The following HECTD4 variants were observed in gnomAD, a reference collection of about 807,000 sequenced individuals.
HECTD4 encodes the protein probable E3 ubiquitin-protein ligase HECTD4.
Under a neutral mutation model 471.5 loss-of-function variants are expected in HECTD4, and 114 were observed. The ratio of observed to expected loss-of-function variants is 0.24; its 90% CI spans 0.21 to 0.28. The LOEUF is 0.28. Among genes scored for constraint, HECTD4 ranks in the 10% least tolerant of loss-of-function variants. The pLI, the probability that HECTD4 is intolerant of heterozygous loss-of-function variation, is 1.00. For synonymous variants in HECTD4, 2,012 were observed against 2,256.0 expected (o/e 0.89, Z 3.07); for missense variants, 3,866 against 5,651.5 (o/e 0.68, Z 10.13).
intron 1 of HECTD4, among the ~76,000 whole-genome samples, chr12:112,372,103 TC>T (rs1217228070): frequency 7.1e-6 from 1 of 140,904 alleles, no homozygotes; most frequent in African/African-American, 2.8e-5. Context: ...CATAATCACA[TC>T]TTTTTTTTTT....
intron 1 of HECTD4, among the ~76,000 whole-genome samples, chr12:112,376,617 T>C (rs947051363): frequency 6.6e-6 from 1 of 152,164 alleles, no homozygotes; most frequent in Non-Finnish European, 1.5e-5. Flanking sequence ...TTGATTTGTA[T>C]CCCCTGCTCC....
In HECTD4 at chr12:112,216,307, C is replaced by G; in HGVS notation, c.7450G>C (p.Val2484Leu). The G allele has an allele frequency of 6.4e-7, 1 of 1,553,702 alleles. No individual in the cohort carries two copies. Residue 2484 changes from valine (V) to leucine (L), a missense_variant, in exon 48 of 76, where the codon GTG becomes CTG. Val to Leu is a conservative substitution (Grantham distance 32). Coordinates refer to ENST00000682272, the MANE Select transcript of HECTD4 (RefSeq NM_001388303.1). ...LLQWKSVRLD[V>L]TLSPGDVAGI... ...CTGCACTCACCGGGGGAGAGAGTCA[C>G]GTCTAAGCGAACGCTCTTCCACTGT...
chr12:112,214,284 G>A (rs141855648), intron 48 of HECTD4, among the ~76,000 whole-genome samples: 1,617 of 152,264 alleles, frequency 0.011, 11 homozygotes, highest in South Asian at 0.016. Flanking sequence ...CTGCTAGCAC[G>A]TGTGGCCTTA....
In HECTD4 at chr12:112,169,602, A is replaced by G. The variant is rs752057625; in HGVS notation, c.12109T>C (p.Ser4037Pro). ...YFCQAARQLA[S>P]VPSSQLCVKL... ...ACGCAGAGCTGAGACGACGGCACTG[A>G]GGCCAGCTGCCTGGCAGCCTGACAG... The change falls in exon 70 of 76, where the codon TCA (serine) becomes CCA (proline). Residue 4037 changes from serine (S) to proline (P), a missense_variant. Around this residue, in one of 16 missense-constraint regions of HECTD4, gnomAD observed 715 missense variants for 1,087.6 expected, o/e 0.66. Coordinates refer to ENST00000682272, the MANE Select transcript of HECTD4 (RefSeq NM_001388303.1). 21 of 1,613,544 alleles carry G rather than the reference A, an allele frequency of 1.3e-5. No homozygotes were observed. Among genetic ancestry groups the G allele is most frequent in the Non-Finnish European group, 1.7e-5 (20 of 1,179,878 alleles).
intron 1 of HECTD4, among the ~76,000 whole-genome samples, chr12:112,364,074 A>G (rs1453230811): frequency 1.3e-5 from 2 of 151,624 alleles, no homozygotes; most frequent in African/African-American, 4.8e-5. Context: ...AATATTAATA[A>G]TATTACAACT....
chr12:112,301,800 G>GTT (rs35700397), intron 7 of HECTD4: 433 of 474,954 alleles, frequency 9.1e-4, no homozygotes, highest in Middle Eastern at 2.3e-3. Context: ...TCAGCTAGCT[G>GTT]TTTTTTTTTT....
At chr12:112,318,963 T>C (rs2035537752) in intron 2 of HECTD4, among the ~76,000 whole-genome samples, 1 of 152,214 alleles carries the variant, frequency 6.6e-6, no homozygotes, top group Non-Finnish European at 1.5e-5. Context: ...AAGGGTTGAT[T>C]CTCCATTTTC....
intron 1 of HECTD4, chr12:112,323,208 A>AAAAT (rs1189372131): frequency 6.6e-6 from 1 of 152,522 alleles, no homozygotes; most frequent in Non-Finnish European, 1.5e-5. Context: ...CTTGTCTCTA[A>AAAAT]AAATAAATAA....
In HECTD4 at chr12:112,246,672, C is replaced by T. The variant is rs1196169701; in HGVS notation, c.4513+229G>A. On this transcript the variant is annotated intron_variant, in intron 29 of 75. Coordinates refer to ENST00000682272, the MANE Select transcript of HECTD4 (RefSeq NM_001388303.1). ...AAAATAAAGAAAACAAGAAGTTGACCGCAGGAATTTAATGACATACAAGTA... is the reference window on the plus strand; with the variant it reads ...AAAATAAAGAAAACAAGAAGTTGACTGCAGGAATTTAATGACATACAAGTA... Among the ~76,000 whole-genome samples the T allele has an allele frequency of 5.3e-5, 8 of 151,924 alleles. No individual in the cohort carries two copies. In the East Asian group the frequency reaches 7.7e-4, roughly 15 times the overall value.
chr12:112,334,157 C>T (rs545723060), intron 1 of HECTD4, among the ~76,000 whole-genome samples: 27 of 151,174 alleles, frequency 1.8e-4, no homozygotes, highest in Non-Finnish European at 3.7e-4. Flanking sequence ...TGCAGTGGGC[C>T]GAGATCATGC....
rs2034007429 is a variant in HECTD4, at chr12:112,256,257, TAAG to T, written c.3327+60_3327+62del. On this transcript the variant is annotated intron_variant, in intron 21 of 75. Coordinates refer to ENST00000682272, the MANE Select transcript of HECTD4 (RefSeq NM_001388303.1). ...AATGGTGACCAGCAGCAAAGAAAAA[TAAG>T]AAGCATCTAAGAATCAGCTTACTCG... is the stretch of plus-strand genomic sequence containing the variant. 1.7e-5 allele frequency: 20 copies of T among 1,205,286 alleles called. No individual in the cohort carries two copies. In the South Asian group the frequency reaches 3.7e-4, roughly 22 times the overall value. 74.7% of individuals were successfully genotyped at this position (1,205,286 alleles called of 1,614,324 possible).
chr12:112,248,194 T>C lies in HECTD4; in HGVS notation c.4144-23A>G, dbSNP rs2033802818. On this transcript the variant is annotated intron_variant, in intron 26 of 75. Coordinates refer to ENST00000682272, the MANE Select transcript of HECTD4 (RefSeq NM_001388303.1). ...ACTCTAATAAATACATTAAAATAGATGCAAAATAAAAACAAGTATGATTCA... is the reference window on the plus strand; with the variant it reads ...ACTCTAATAAATACATTAAAATAGACGCAAAATAAAAACAAGTATGATTCA... The C allele has an allele frequency of 2.5e-6, 4 of 1,588,018 alleles. 1 individual carries two copies. Among genetic ancestry groups the C allele is most frequent in the Middle Eastern group, 3.3e-4 (2 of 5,988 alleles).
chr12:112,273,845 A>G lies in HECTD4; in HGVS notation c.1802-50T>C, dbSNP rs1282083428. The G allele has an allele frequency of 3.1e-6, 5 of 1,595,374 alleles. No individual in the cohort carries two copies. The Admixed American group carries it at 8.4e-5, about 27-fold the overall frequency. ...AGTCACCATGCCACCAGCTACCTGT[A>G]TACATATTTCTCACAAGCACTGCTA... On this transcript the variant is annotated intron_variant, in intron 10 of 75. Transcript: ENST00000682272.
intron 1 of HECTD4, chr12:112,321,872 G>T (rs536449305): frequency 6.6e-6 from 1 of 151,042 alleles, no homozygotes; most frequent in Non-Finnish European, 1.5e-5. Flanking sequence ...AAAGGAGAAA[G>T]AACTTATAAT....
At chr12:112,311,069 C>T (rs1464294183) in intron 4 of HECTD4, among the ~76,000 whole-genome samples, 3 of 152,118 alleles carry the variant, frequency 2.0e-5, no homozygotes, top group Non-Finnish European at 4.4e-5. Flanking sequence ...CAAGACCAGC[C>T]TGGCCAACAT....
At chr12:112,347,645 A>G (rs1442448430) in intron 1 of HECTD4, among the ~76,000 whole-genome samples, 4 of 152,238 alleles carry the variant, frequency 2.6e-5, no homozygotes, top group African/African-American at 9.6e-5. Context: ...CAATATGCAA[A>G]TATCATACGT....
rs1422864618 is a variant in HECTD4 at position 112,324,050 on chromosome 12, C to A, written c.178-4308G>T. ...CCTTCCTTCCTTCCTTCCTTCCTTT[C>A]TTTCTTTCTTTCTTTCTTTCTTTCT... On this transcript the variant is annotated intron_variant, in intron 1 of 75. Transcript: ENST00000682272. Among the ~76,000 whole-genome samples the A allele has an allele frequency of 2.3e-3, 122 of 54,186 alleles. 6 individuals are homozygous for A. Among genetic ancestry groups the A allele is most frequent in the Non-Finnish European group, 2.0e-3 (71 of 35,492 alleles). The allele number at this position is 54,186 out of a possible 152,430, so 35.5% of individuals were successfully genotyped here. A position where few individuals can be genotyped will look rare whatever the true frequency, so the allele number is the denominator to read the frequency against.
rs11066232 is a variant in HECTD4 at position 112,281,362 on chromosome 12, C to T, written c.1528+1748G>A. On this transcript the variant is annotated intron_variant, in intron 8 of 75. Coordinates refer to ENST00000682272, the MANE Select transcript of HECTD4 (RefSeq NM_001388303.1). ...AGTATATGTGCTGCCAAAGCGTGCA[C>T]ATTTCTACCAAATTCTAAATATGTC... is the stretch of plus-strand genomic sequence containing the variant. Among the ~76,000 whole-genome samples, 8,456 of 152,044 alleles carry T rather than the reference C, an allele frequency of 0.056. 1,289 individuals are homozygous for T. In the East Asian group the frequency reaches 0.61, roughly 11 times the overall value.
rs142871954 is a variant in HECTD4, at chr12:112,311,949, C to T, written c.916+1068G>A. On this transcript the variant is annotated intron_variant, in intron 4 of 75. Transcript: ENST00000682272. The stretch of plus-strand genomic sequence containing the variant: ...AATAAATCACATTTAAAAGCCTTGC[C>T]GCTTCTTCTCCACACACTCTCATGC... Among the ~76,000 whole-genome samples the T allele has an allele frequency of 1.8e-4, 28 of 152,258 alleles. No individual in the cohort carries two copies. In the East Asian group the frequency reaches 2.9e-3, roughly 16 times the overall value.
Sources: gnomAD v4.1 joint callset for allele counts (sites outside exome capture counted in the v4.1 genomes callset) on GRCh38, gnomAD v4.1.1 for gene constraint, gnomAD v4.1.1 regional missense constraint, MANE v1.5 for transcripts, NCBI Gene and HGNC (gene_info 2026-07-23, HGNC 2026-07-21) for gene names.